The following KIAA1549L variants were observed in gnomAD, a reference collection of about 807,000 sequenced individuals.
KIAA1549L encodes the protein KIAA1549 like, also known as UPF0606 protein KIAA1549L.
In KIAA1549L, 88 loss-of-function variants were observed where a neutral mutation model predicts 160.7. The observed-to-expected ratio is 0.55, with a 90% confidence interval of 0.46 to 0.65. The LOEUF (loss-of-function observed/expected upper bound fraction) is 0.65. Among genes scored for constraint, KIAA1549L ranks in the 30% least tolerant of loss-of-function variants. The probability of loss-of-function intolerance (pLI) is 0.00; values close to 1 mark genes in which losing one functional copy is unlikely to be tolerated. For missense variants in KIAA1549L, 2,258 were observed against 2,437.5 expected, an observed-to-expected ratio of 0.93 and a Z score of 1.55; for synonymous variants, 950 against 976.7, an observed-to-expected ratio of 0.97 and a Z score of 0.51.
intron 1 of KIAA1549L, among the ~76,000 whole-genome samples, chr11:33,397,483 G>A (rs1380988762): frequency 2.6e-5 from 4 of 151,100 alleles, no homozygotes; most frequent in Non-Finnish European, 5.9e-5. Flanking sequence ...GACCAAGGTG[G>A]GCGGATCACA....
intron 18 of KIAA1549L, among the ~76,000 whole-genome samples, chr11:33,658,170 T>TG (rs1852133534): frequency 1.3e-5 from 2 of 152,324 alleles, no homozygotes; most frequent in Admixed American, 1.3e-4. Flanking sequence ...TGGGCTTGAT[T>TG]CTCTGATTGC....
intron 17 of KIAA1549L, among the ~76,000 whole-genome samples, chr11:33,649,343 G>GAA (rs545884059): frequency 2.7e-4 from 28 of 102,750 alleles, no homozygotes; most frequent in East Asian, 2.7e-4. Context: ...CTCTACGGGG[G>GAA]AAAAAAAAAA....
chr11:33,559,244 G>T (rs920892889), intron 6 of KIAA1549L, among the ~76,000 whole-genome samples: 1 of 152,160 alleles, frequency 6.6e-6, no homozygotes, highest in Non-Finnish European at 1.5e-5. Context: ...CTGAAAGTTT[G>T]ACTCAGGCTT....
At chr11:33,395,317 C>G (rs1024250607) in intron 1 of KIAA1549L, among the ~76,000 whole-genome samples, 1 of 152,174 alleles carries the variant, frequency 6.6e-6, no homozygotes, top group Non-Finnish European at 1.5e-5. Context: ...ACTTAATGTT[C>G]ATAACGCGCT....
intron 13 of KIAA1549L, 130 bp downstream of exon 13, chr11:33,599,077 T>C: frequency 9.1e-7 from 1 of 1,103,222 alleles, no homozygotes; most frequent in Non-Finnish European, 1.3e-6. Context: ...CTTTCTATTC[T>C]GCCCCACAAG....
chr11:33,484,072 A>G (rs985693988), intron 1 of KIAA1549L, among the ~76,000 whole-genome samples: 1 of 152,154 alleles, frequency 6.6e-6, no homozygotes, highest in African/African-American at 2.4e-5. Context: ...TTTCTTTTTC[A>G]AAGAGCAAAA....
chr11:33,432,516 T>C (rs558206369), intron 1 of KIAA1549L, among the ~76,000 whole-genome samples: 1 of 152,356 alleles, frequency 6.6e-6, no homozygotes, highest in South Asian at 2.1e-4. Context: ...CTGGGCATGA[T>C]GATAATTTTG....
chr11:33,653,638 A>G lies in KIAA1549L; in HGVS notation c.5761-2374A>G, dbSNP rs558512204. On this transcript the variant is annotated intron_variant, in intron 17 of 20. Transcript: ENST00000658780. Reference sequence around the variant, plus strand: ...TTACTTATTTTATCAATTCTGGAAAATTCTTAGCCATTGCTTCTTCAAATA... The same window carrying G: ...TTACTTATTTTATCAATTCTGGAAAGTTCTTAGCCATTGCTTCTTCAAATA... 7.9e-5 allele frequency among the ~76,000 whole-genome samples: 12 copies of G among 152,244 alleles called. No homozygotes were observed. The South Asian group carries it at 2.3e-3, about 29-fold the overall frequency.
In KIAA1549L at chr11:33,467,136, C is replaced by A. The variant is rs1172984805; in HGVS notation, c.239-74666C>A. Among the ~76,000 whole-genome samples the A allele has an allele frequency of 2.0e-5, 3 of 151,964 alleles. No individual in the cohort carries two copies. In the South Asian group the frequency reaches 6.2e-4, roughly 31 times the overall value. ...AGTATAATAAGAAAAATATGGTTAA[C>A]TTTTTTCTTATTTTCTTTTCATAAC... is the stretch of plus-strand genomic sequence containing the variant. On this transcript the variant is annotated intron_variant, in intron 1 of 20. Transcript: ENST00000658780.
intron 1 of KIAA1549L, among the ~76,000 whole-genome samples, chr11:33,455,435 G>T (rs79279371): frequency 6.6e-6 from 1 of 152,148 alleles, no homozygotes; most frequent in African/African-American, 2.4e-5. Context: ...TAGAAAGTCA[G>T]GGGGAGACAA....
intron 1 of KIAA1549L, among the ~76,000 whole-genome samples, chr11:33,435,846 G>GTATA (rs1565136127): frequency 0.069 from 3,908 of 56,584 alleles, 965 homozygotes; most frequent in African/African-American, 0.29. Flanking sequence ...ATGTATATGT[G>GTATA]TGTGTGTGTG....
At chr11:33,631,005 A>G (rs183926029) in intron 16 of KIAA1549L, among the ~76,000 whole-genome samples, 2 of 152,298 alleles carry the variant, frequency 1.3e-5, no homozygotes, top group African/African-American at 4.8e-5. Context: ...GGCACGTGCA[A>G]CGTACTGTGG....
At chr11:33,384,398 GT>G (rs1850131669) in intron 1 of KIAA1549L, among the ~76,000 whole-genome samples, 1 of 152,232 alleles carries the variant, frequency 6.6e-6, no homozygotes, top group Admixed American at 6.5e-5. Context: ...GTTGTTTCCA[GT>G]TTATGACATG....
chr11:33,437,955 T>C (rs1308094479), intron 1 of KIAA1549L, among the ~76,000 whole-genome samples: 1 of 152,184 alleles, frequency 6.6e-6, no homozygotes, highest in African/African-American at 2.4e-5. Flanking sequence ...CTGAATCTGG[T>C]CTGCCTGGTT....
At chr11:33,609,633 G>T in intron 14 of KIAA1549L, 116 bp from the exon 15 acceptor site, 1 of 764,686 alleles carries the variant, frequency 1.3e-6, no homozygotes. Context: ...CTAGCTCAGA[G>T]GCCCGGAGGT....
At chr11:33,647,375 C>CAAAAAAA (rs10578169) in intron 17 of KIAA1549L, among the ~76,000 whole-genome samples, 2 of 115,114 alleles carry the variant, frequency 1.7e-5, no homozygotes, top group African/African-American at 6.7e-5. Context: ...GACTCTGTCT[C>CAAAAAAA]AAAAAAAAAA....
At chr11:33,468,647 C>G (rs1037297800) in intron 1 of KIAA1549L, among the ~76,000 whole-genome samples, 2 of 152,136 alleles carry the variant, frequency 1.3e-5, no homozygotes, top group African/African-American at 4.8e-5. Flanking sequence ...GAGTGATGTT[C>G]CTTATTTATA....
intron 11 of KIAA1549L, among the ~76,000 whole-genome samples, chr11:33,588,196 A>G (rs11032307): frequency 0.21 from 31,914 of 152,174 alleles, 3,738 homozygotes; most frequent in East Asian, 0.37. Context: ...TATCAAATGA[A>G]GCTGAAACTG....
chr11:33,395,579 T>C (rs1850357813), intron 1 of KIAA1549L, among the ~76,000 whole-genome samples: 1 of 152,150 alleles, frequency 6.6e-6, no homozygotes, highest in Non-Finnish European at 1.5e-5. Flanking sequence ...ATTTTTTATT[T>C]CCTTAGGTTT....
Sources: gnomAD v4.1 joint callset for allele counts (sites outside exome capture counted in the v4.1 genomes callset) on GRCh38, gnomAD v4.1.1 for gene constraint, MANE v1.5 for transcripts, NCBI Gene and HGNC (gene_info 2026-07-23, HGNC 2026-07-21) for gene names.